SUGCT: variants seen among roughly 807,000 people sequenced by gnomAD.
SUGCT encodes succinyl-CoA:glutarate-CoA transferase, also known as succinyl-CoA:glutarate CoA-transferase.
In SUGCT, 41 loss-of-function variants were observed where a neutral mutation model predicts 55.0. That is an observed-to-expected ratio of 0.74 (90% CI 0.58 to 0.97). SUGCT has a LOEUF of 0.97. Among genes scored for constraint, SUGCT ranks in the 50% least tolerant of loss-of-function variants. The pLI, the probability that SUGCT is intolerant of heterozygous loss-of-function variation, is 0.00. For synonymous variants in SUGCT, 187 were observed against 200.4 expected (o/e 0.93, Z 0.56); for missense variants, 568 against 547.8 (o/e 1.04, Z -0.37).
intron 9 of SUGCT, among the ~76,000 whole-genome samples, chr7:40,397,384 C>A (rs769349303): frequency 1.1e-4 from 16 of 152,128 alleles, no homozygotes; most frequent in Non-Finnish European, 2.4e-4. Flanking sequence ...TCCTTTGAGC[C>A]CTCAAAGCAC....
chr7:40,761,311 G>C (rs866444325), intron 13 of SUGCT, among the ~76,000 whole-genome samples: 1 of 152,162 alleles, frequency 6.6e-6, no homozygotes, highest in East Asian at 1.9e-4. Context: ...TGGAGACCAC[G>C]CAGTGTGAAA....
At chr7:40,279,488 C>T (rs1455942986) in intron 8 of SUGCT, among the ~76,000 whole-genome samples, 1 of 152,020 alleles carries the variant, frequency 6.6e-6, no homozygotes, top group East Asian at 1.9e-4. Context: ...ATTTACTATG[C>T]TAATGTAGAG....
chr7:40,939,774 A>G, the SUGCT span, among the ~76,000 whole-genome samples: 1 of 151,892 alleles, frequency 6.6e-6, no homozygotes, highest in East Asian at 1.9e-4. Context: ...TAGATTCTGG[A>G]TATTAGTCCT....
intron 12 of SUGCT, among the ~76,000 whole-genome samples, chr7:40,547,464 G>C (rs1425359368): frequency 6.6e-6 from 1 of 152,072 alleles, no homozygotes; most frequent in African/African-American, 2.4e-5. Flanking sequence ...TTTAAGTAGA[G>C]TGTTTTATTT....
At chr7:40,563,619 T>A (rs7799761) in intron 12 of SUGCT, among the ~76,000 whole-genome samples, 1,715 of 150,498 alleles carry the variant, frequency 0.011, 43 homozygotes, top group African/African-American at 0.039. Context: ...AAGGCCGAGG[T>A]GGGAGGATCA....
chr7:40,999,802 A>T, the SUGCT span, among the ~76,000 whole-genome samples: 2 of 152,206 alleles, frequency 1.3e-5, no homozygotes, highest in African/African-American at 2.4e-5. Context: ...CCATTAAAAA[A>T]TTTAACAATT....
intron 12 of SUGCT, among the ~76,000 whole-genome samples, chr7:40,600,552 A>G (rs1798242560): frequency 6.6e-6 from 1 of 152,096 alleles, no homozygotes; most frequent in South Asian, 2.1e-4. Context: ...AGTTCTGTTC[A>G]TTTTTCTTTG....
At chr7:40,912,161 T>C in the SUGCT span, among the ~76,000 whole-genome samples, 5 of 152,282 alleles carry the variant, frequency 3.3e-5, no homozygotes, top group South Asian at 8.3e-4. Flanking sequence ...CACATTATCC[T>C]ACAAAAGTTT....
At chr7:40,884,502 G>A in the SUGCT span, among the ~76,000 whole-genome samples, 2 of 152,290 alleles carry the variant, frequency 1.3e-5, no homozygotes, top group Non-Finnish European at 2.9e-5. Context: ...GGCTGGAGAT[G>A]CTCCTTGCTT....
intron 12 of SUGCT, among the ~76,000 whole-genome samples, chr7:40,615,453 A>G (rs1406230353): frequency 1.3e-5 from 2 of 152,120 alleles, no homozygotes. Context: ...GTGAGAAAAA[A>G]ATTTATTTTT....
intron 12 of SUGCT, among the ~76,000 whole-genome samples, chr7:40,701,553 G>A (rs769207348): frequency 6.6e-6 from 1 of 152,208 alleles, no homozygotes; most frequent in African/African-American, 2.4e-5. Context: ...GCGATCCCAT[G>A]GGAAATGACA....
the SUGCT span, among the ~76,000 whole-genome samples, chr7:40,967,833 A>G: frequency 6.6e-6 from 1 of 152,172 alleles, no homozygotes; most frequent in Non-Finnish European, 1.5e-5. Flanking sequence ...CGCGTTAGCC[A>G]GGATGGTCTC....
Position 40,210,325 on chromosome 7 carries a change from T to A in SUGCT, c.484+15265T>A, listed in dbSNP as rs542471367. On this transcript the variant is annotated intron_variant, in intron 6 of 13. Transcript: ENST00000335693. ...CCTCCCAAAGTGCTGGGATTACAGA[T>A]GTGAGCCACCACGCCTGGCCTACTT... 6.6e-5 allele frequency among the ~76,000 whole-genome samples: 10 copies of A among 152,186 alleles called. No individual in the cohort carries two copies. In the South Asian group the frequency reaches 2.1e-3, roughly 32 times the overall value.
At chr7:40,242,414 C>T (rs1005983319) in intron 7 of SUGCT, among the ~76,000 whole-genome samples, 8 of 151,984 alleles carry the variant, frequency 5.3e-5, no homozygotes, top group African/African-American at 1.2e-4. Context: ...TCAAGTGATT[C>T]GCCCACTTCG....
At chr7:40,196,204 G>A (rs747760342) in intron 6 of SUGCT, among the ~76,000 whole-genome samples, 5 of 152,170 alleles carry the variant, frequency 3.3e-5, no homozygotes, top group African/African-American at 1.2e-4. Flanking sequence ...AAAAGTCACG[G>A]TGTTACTTAG....
the SUGCT span, among the ~76,000 whole-genome samples, chr7:40,943,221 CT>C: frequency 2.6e-5 from 4 of 151,144 alleles, no homozygotes; most frequent in Non-Finnish European, 5.9e-5. Flanking sequence ...TATTTTTTGA[CT>C]GTTTATTTTT....
chr7:40,550,160 T>C (rs1053924179), intron 12 of SUGCT, among the ~76,000 whole-genome samples: 1 of 152,200 alleles, frequency 6.6e-6, no homozygotes, highest in Non-Finnish European at 1.5e-5. Flanking sequence ...TAAATTGTTA[T>C]CTATGCTGGT....
chr7:40,393,884 G>C (rs2151307305), intron 9 of SUGCT, among the ~76,000 whole-genome samples: 1 of 152,256 alleles, frequency 6.6e-6, no homozygotes, highest in South Asian at 2.1e-4. Context: ...AAATGAATGT[G>C]GTGAGACACA....
At chr7:40,354,000 G>A (rs1244292617) in intron 9 of SUGCT, among the ~76,000 whole-genome samples, 2 of 152,134 alleles carry the variant, frequency 1.3e-5, no homozygotes, top group Admixed American at 1.3e-4. Context: ...CCGGGAAGTA[G>A]CCTTTTTAAT....
Sources: allele counts gnomAD v4.1 joint callset (sites outside exome capture counted in the v4.1 genomes callset), GRCh38; gene constraint gnomAD v4.1.1; transcripts MANE v1.5; gene names NCBI Gene and HGNC (gene_info 2026-07-23, HGNC 2026-07-21).